SV2B: variants seen among roughly 807,000 people sequenced by gnomAD.
The protein encoded by SV2B is solute carrier family 22 member B2.
In SV2B, 41 loss-of-function variants were observed where a neutral mutation model predicts 73.9. The ratio of observed to expected loss-of-function variants is 0.56; its 90% CI spans 0.43 to 0.72. The LOEUF (loss-of-function observed/expected upper bound fraction) is 0.72. SV2B is among the 30% of genes least tolerant of loss of function. SV2B has a pLI of 0.00. For missense variants in SV2B, 764 were observed against 857.8 expected, an observed-to-expected ratio of 0.89 and a Z score of 1.37; for synonymous variants, 314 against 314.2, an observed-to-expected ratio of 1.00 and a Z score of 0.01.
chr15:91,173,915 T>C (rs730617), intron 1 of SV2B, among the ~76,000 whole-genome samples: 12,068 of 152,228 alleles, frequency 0.079, 594 homozygotes, highest in South Asian at 0.16. Flanking sequence ...TTCTTCTCTA[T>C]CTGAGGGTTT....
At chr15:91,148,825 G>A (rs1283509389) in intron 1 of SV2B, among the ~76,000 whole-genome samples, 1 of 152,158 alleles carries the variant, frequency 6.6e-6, no homozygotes, top group African/African-American at 2.4e-5. Flanking sequence ...CAGGCAGAGA[G>A]AATTCTTTCT....
At chr15:91,276,581 T>C (rs2048495943) in intron 9 of SV2B, among the ~76,000 whole-genome samples, 1 of 152,006 alleles carries the variant, frequency 6.6e-6, no homozygotes, top group South Asian at 2.1e-4. Context: ...GTTTTTGCCA[T>C]GATGAGCCTA....
chr15:91,205,857 A>G (rs1478996947), intron 1 of SV2B, among the ~76,000 whole-genome samples: 1 of 152,228 alleles, frequency 6.6e-6, no homozygotes, highest in Non-Finnish European at 1.5e-5. Flanking sequence ...ATAAAATCTC[A>G]ACCCAAAGGT....
intron 1 of SV2B, among the ~76,000 whole-genome samples, chr15:91,164,836 GCAAGACCA>G (rs1326300266): frequency 6.6e-6 from 1 of 152,200 alleles, no homozygotes; most frequent in Non-Finnish European, 1.5e-5. Context: ...GGAGAGCCAT[GCAAGACCA>G]TTCAGGGGCA....
chr15:91,270,270 GAT>G (rs1211656859), intron 9 of SV2B, among the ~76,000 whole-genome samples: 3 of 152,310 alleles, frequency 2.0e-5, no homozygotes, highest in East Asian at 3.9e-4. Flanking sequence ...TAATGCCAAT[GAT>G]AGTCACTGTA....
chr15:91,145,119 C>A (rs1181362291), intron 1 of SV2B, among the ~76,000 whole-genome samples: 1 of 152,112 alleles, frequency 6.6e-6, no homozygotes, highest in Non-Finnish European at 1.5e-5. Context: ...GTTATTGTTC[C>A]TGATCCTCTG....
intron 1 of SV2B, among the ~76,000 whole-genome samples, chr15:91,120,721 G>A (rs1262365128): frequency 2.0e-5 from 3 of 151,718 alleles, no homozygotes; most frequent in Non-Finnish European, 4.4e-5. Context: ...GGCTGAGGTG[G>A]GAGGATCACT....
rs1413835904 is a variant in SV2B at position 91,300,459 on chromosome 15, T to C, written c.*7907T>C. The C allele has an allele frequency of 6.6e-6, 1 of 152,242 alleles. No individual in the cohort carries two copies. The highest frequency in any genetic ancestry group is 1.5e-5 in the Non-Finnish European group (1 of 68,038). The allele number at this position is 152,242 out of a possible 1,614,324, so 9.4% of individuals were successfully genotyped here. A position where few individuals can be genotyped will look rare whatever the true frequency, so the allele number is the denominator to read the frequency against. The stretch of plus-strand genomic sequence containing the variant: ...AGCTTTCCATAGTCATTCATACTTG[T>C]GAATCTTCTTCCTCTTCTACTTCAA... On this transcript the variant is annotated 3_prime_UTR_variant, in exon 13 of 13. Transcript: ENST00000394232.
At chr15:91,204,047 A>T (rs1429265876) in intron 1 of SV2B, among the ~76,000 whole-genome samples, 1 of 152,192 alleles carries the variant, frequency 6.6e-6, no homozygotes, top group Non-Finnish European at 1.5e-5. Flanking sequence ...GGTGGTTTCC[A>T]GGCCCCAAAA....
At chr15:91,212,473 T>C (rs1239407028) in intron 1 of SV2B, among the ~76,000 whole-genome samples, 1 of 152,222 alleles carries the variant, frequency 6.6e-6, no homozygotes, top group Non-Finnish European at 1.5e-5. Context: ...ATTAGGTAAC[T>C]TGACAGGACT....
chr15:91,247,820 A>T (rs1245593426), intron 2 of SV2B, among the ~76,000 whole-genome samples: 1 of 152,008 alleles, frequency 6.6e-6, no homozygotes, highest in African/African-American at 2.4e-5. Flanking sequence ...ACTGACCGGG[A>T]TTTGTGGACC....
chr15:91,192,444 C>A (rs2045073354), intron 1 of SV2B, among the ~76,000 whole-genome samples: 1 of 152,192 alleles, frequency 6.6e-6, no homozygotes, highest in African/African-American at 2.4e-5. Flanking sequence ...GGTCTGAGGT[C>A]AGTCTTGGAA....
At chr15:91,166,065 GA>G (rs1373064170) in intron 1 of SV2B, among the ~76,000 whole-genome samples, 3 of 152,136 alleles carry the variant, frequency 2.0e-5, no homozygotes, top group Non-Finnish European at 4.4e-5. Flanking sequence ...TTTCTTGTGA[GA>G]AATCTGCAGT....
chr15:91,275,723 G>A (rs2141726365), intron 9 of SV2B, among the ~76,000 whole-genome samples: 1 of 152,286 alleles, frequency 6.6e-6, no homozygotes, highest in South Asian at 2.1e-4. Context: ...CTACTTGGGA[G>A]GCTGAGGCAC....
intron 1 of SV2B, among the ~76,000 whole-genome samples, chr15:91,151,160 G>T (rs1382178763): frequency 6.6e-6 from 1 of 152,184 alleles, no homozygotes; most frequent in African/African-American, 2.4e-5. Context: ...GCACATTCAA[G>T]CCTGTGTGTC....
rs534418253 is a variant in SV2B at position 91,185,302 on chromosome 15, A to T, written c.-391-40571A>T. Among the ~76,000 whole-genome samples, 3 of 152,386 alleles carry T rather than the reference A, an allele frequency of 2.0e-5. No individual in the cohort carries two copies. The South Asian group carries it at 6.2e-4, about 32-fold the overall frequency. The stretch of plus-strand genomic sequence containing the variant: ...AAAATCAAATTTATTTTGATATTTA[A>T]TTCACAAAGATGTGCAGCATATTTT... On this transcript the variant is annotated intron_variant, in intron 1 of 12. Transcript: ENST00000394232.
Position 91,150,014 on chromosome 15 carries a change from G to A in SV2B, c.-392+49651G>A, listed in dbSNP as rs183894312. 4.7e-3 allele frequency among the ~76,000 whole-genome samples: 716 copies of A among 151,934 alleles called. 3 individuals are homozygous for A. The highest frequency in any genetic ancestry group is 0.016 in the African/African-American group (679 of 41,444). On this transcript the variant is annotated intron_variant, in intron 1 of 12. Transcript: ENST00000394232. Reference sequence around the variant, plus strand: ...TCTTTCTGTCTGTCTCTCTTTATTTGTTTATTTTTTGACAGAGTCTCACTC... The same window carrying A: ...TCTTTCTGTCTGTCTCTCTTTATTTATTTATTTTTTGACAGAGTCTCACTC...
rs1385167559 is a variant in SV2B, at chr15:91,140,215, T to C, written c.-392+39852T>C. On this transcript the variant is annotated intron_variant, in intron 1 of 12. Transcript: ENST00000394232. The surrounding 1 kb of genome is among the most constrained non-coding windows in gnomAD (Gnocchi z 4.4). ...ATTCCGTGAGTATCACAATGCTCATTATTTTTCTTCAAAGTAATAGCAGCT... is the reference window on the plus strand; with the variant it reads ...ATTCCGTGAGTATCACAATGCTCATCATTTTTCTTCAAAGTAATAGCAGCT... Among the ~76,000 whole-genome samples the C allele has an allele frequency of 1.3e-5, 2 of 152,248 alleles. No homozygotes were observed. The highest frequency in any genetic ancestry group is 4.8e-5 in the African/African-American group (2 of 41,460).
intron 1 of SV2B, among the ~76,000 whole-genome samples, chr15:91,169,111 T>G (rs1042958741): frequency 1.3e-5 from 2 of 152,226 alleles, no homozygotes; most frequent in Non-Finnish European, 2.9e-5. Flanking sequence ...TTTCTGCATA[T>G]GAAGTAGTAA....
Sources: allele counts gnomAD v4.1 joint callset (sites outside exome capture counted in the v4.1 genomes callset), GRCh38; gene constraint gnomAD v4.1.1; non-coding constraint Gnocchi (gnomAD v3.1); transcripts MANE v1.5; gene names NCBI Gene and HGNC (gene_info 2026-07-23, HGNC 2026-07-21).